PRLR: variants seen among roughly 807,000 people sequenced by gnomAD.
PRLR encodes the protein prolactin receptor, also known as hPRL receptor.
In PRLR, 13 loss-of-function variants were observed where a neutral mutation model predicts 40.2. That is an observed-to-expected ratio of 0.32 (90% CI 0.21 to 0.51). PRLR has a LOEUF of 0.51. PRLR is among the 20% of genes least tolerant of loss of function. The pLI is 0.97. For missense variants in PRLR, 656 were observed against 747.3 expected (o/e 0.88, Z 1.42); for synonymous variants, 269 against 278.7 (o/e 0.97, Z 0.35).
chr5:35,107,772 T>C (rs1466951901), intron 2 of PRLR, among the ~76,000 whole-genome samples: 1 of 152,112 alleles, frequency 6.6e-6, no homozygotes, highest in Admixed American at 6.5e-5. Flanking sequence ...AGCAGACGGA[T>C]TCACAGCCGA....
At chr5:35,200,120 C>A (rs1264550834) in intron 1 of PRLR, among the ~76,000 whole-genome samples, 1 of 152,194 alleles carries the variant, frequency 6.6e-6, no homozygotes, top group Non-Finnish European at 1.5e-5. Flanking sequence ...TTCTTTCTGG[C>A]ATGTCTCGCA....
intron 1 of PRLR, 129 bp downstream of exon 1, chr5:35,230,139 A>C (rs1776661836): frequency 6.6e-6 from 1 of 152,084 alleles, no homozygotes; most frequent in Non-Finnish European, 1.5e-5. Flanking sequence ...TCTCTCCAGG[A>C]GCCCGCGCCG....
intron 1 of PRLR, among the ~76,000 whole-genome samples, chr5:35,143,522 G>C (rs1351121180): frequency 6.6e-6 from 1 of 152,112 alleles, no homozygotes; most frequent in East Asian, 1.9e-4. Flanking sequence ...AACCTCGTTT[G>C]TTTTCTTCAT....
At chr5:35,091,957 A>G (rs1046900615) in intron 2 of PRLR, among the ~76,000 whole-genome samples, 2 of 152,168 alleles carry the variant, frequency 1.3e-5, no homozygotes, top group Non-Finnish European at 2.9e-5. Context: ...CATGCTATAA[A>G]TCAGACCTTC....
At chr5:35,161,550 A>G (rs944923917) in intron 1 of PRLR, among the ~76,000 whole-genome samples, 1 of 152,264 alleles carries the variant, frequency 6.6e-6, no homozygotes, top group African/African-American at 2.4e-5. Flanking sequence ...CCATAATCAC[A>G]GAAGCAAAGT....
intron 1 of PRLR, among the ~76,000 whole-genome samples, chr5:35,168,327 A>G (rs1774902150): frequency 1.3e-5 from 2 of 152,218 alleles, no homozygotes; most frequent in Admixed American, 1.3e-4. Flanking sequence ...GGCATAGATG[A>G]TTTCTCAACA....
intron 1 of PRLR, among the ~76,000 whole-genome samples, chr5:35,217,596 T>TAA (rs1400850025): frequency 6.6e-6 from 1 of 152,180 alleles, no homozygotes; most frequent in Non-Finnish European, 1.5e-5. Flanking sequence ...TAAAAGGGTA[T>TAA]TTAGCCCATA....
chr5:35,184,470 T>A (rs1227153891), intron 1 of PRLR, among the ~76,000 whole-genome samples: 1 of 152,190 alleles, frequency 6.6e-6, no homozygotes, highest in Admixed American at 6.5e-5. Context: ...TGAGCCGAGA[T>A]TGAGCCACTG....
At chr5:35,165,627 G>C (rs955305346) in intron 1 of PRLR, among the ~76,000 whole-genome samples, 1 of 152,148 alleles carries the variant, frequency 6.6e-6, no homozygotes, top group Non-Finnish European at 1.5e-5. Context: ...TTGGCCTTTG[G>C]AATCTAGTGA....
chr5:35,110,997 C>T (rs1384496451), intron 2 of PRLR, among the ~76,000 whole-genome samples: 1 of 152,164 alleles, frequency 6.6e-6, no homozygotes, highest in South Asian at 2.1e-4. Context: ...TCTGTACCCC[C>T]ACCCCATCCC....
chr5:35,197,836 T>G (rs1487874395), intron 1 of PRLR, among the ~76,000 whole-genome samples: 1 of 152,226 alleles, frequency 6.6e-6, no homozygotes, highest in Non-Finnish European at 1.5e-5. Flanking sequence ...CACTTGGGTT[T>G]GCCACCCTGG....
At chr5:35,221,435 CTT>C (rs1361524293) in intron 1 of PRLR, among the ~76,000 whole-genome samples, 2 of 152,070 alleles carry the variant, frequency 1.3e-5, no homozygotes, top group Admixed American at 6.5e-5. Flanking sequence ...AAGTAGCAAA[CTT>C]AAATTATGCT....
intron 5 of PRLR, among the ~76,000 whole-genome samples, chr5:35,079,260 G>A (rs971729922): frequency 6.6e-6 from 1 of 152,300 alleles, no homozygotes; most frequent in Non-Finnish European, 1.5e-5. Flanking sequence ...AAAAGAGGAA[G>A]TCAAATTGTC....
At chr5:35,161,684 C>T (rs1774679171) in intron 1 of PRLR, among the ~76,000 whole-genome samples, 1 of 152,180 alleles carries the variant, frequency 6.6e-6, no homozygotes, top group African/African-American at 2.4e-5. Context: ...AGGTTCCTTG[C>T]TTCATCAGGC....
rs375960698 is a variant in PRLR, at chr5:35,094,898, G to A, written c.-43-5235C>T. Reference sequence around the variant, plus strand: ...GCTGGAGTGCAGTGGCATGATCACCGCTCACTGCAGCCTGGACCTCCCTGG... The same window carrying A: ...GCTGGAGTGCAGTGGCATGATCACCACTCACTGCAGCCTGGACCTCCCTGG... On this transcript the variant is annotated intron_variant, in intron 2 of 9. Transcript: ENST00000618457. Among the ~76,000 whole-genome samples the A allele has an allele frequency of 2.0e-4, 29 of 142,118 alleles. No individual in the cohort carries two copies. The East Asian group carries it at 4.0e-3, about 20-fold the overall frequency. 93.2% of individuals were successfully genotyped at this position (142,118 alleles called of 152,430 possible). A position where few individuals can be genotyped will look rare whatever the true frequency, so the allele number is the denominator to read the frequency against.
chr5:35,132,187 G>A (rs931013780), intron 1 of PRLR, among the ~76,000 whole-genome samples: 2 of 152,062 alleles, frequency 1.3e-5, no homozygotes, highest in African/African-American at 2.4e-5. Flanking sequence ...ACACATGGAG[G>A]AGAAAAAGGG....
intron 1 of PRLR, among the ~76,000 whole-genome samples, chr5:35,160,909 A>C (rs1774656784): frequency 6.6e-6 from 1 of 152,236 alleles, no homozygotes; most frequent in African/African-American, 2.4e-5. Flanking sequence ...CAAGCCTTCG[A>C]TAAGACTGAC....
intron 5 of PRLR, among the ~76,000 whole-genome samples, chr5:35,080,007 A>C (rs370091971): frequency 2.6e-5 from 4 of 152,082 alleles, no homozygotes; most frequent in African/African-American, 7.2e-5. Context: ...GAAACTGGAT[A>C]CCTTCCTTAC....
intron 1 of PRLR, among the ~76,000 whole-genome samples, chr5:35,126,567 A>C (rs993051002): frequency 6.6e-6 from 1 of 152,176 alleles, no homozygotes; most frequent in Non-Finnish European, 1.5e-5. Flanking sequence ...AGCATGGTTC[A>C]CTGGATGTGT....
Sources: gnomAD v4.1 joint callset for allele counts (sites outside exome capture counted in the v4.1 genomes callset) on GRCh38, gnomAD v4.1.1 for gene constraint, MANE v1.5 for transcripts, NCBI Gene and HGNC (gene_info 2026-07-23, HGNC 2026-07-21) for gene names.